Variants in CDH23 observed in about 807,000 individuals in gnomAD.
The protein encoded by CDH23 is cadherin-23.
In CDH23, 189 loss-of-function variants were observed where a neutral mutation model predicts 317.1. The observed-to-expected ratio is 0.60, with a 90% confidence interval of 0.53 to 0.67. The LOEUF (loss-of-function observed/expected upper bound fraction) is 0.67. Among genes scored for constraint, CDH23 ranks in the 30% least tolerant of loss-of-function variants. CDH23 has a pLI of 0.00. For synonymous variants in CDH23, 1,839 were observed against 1,876.8 expected (o/e 0.98, Z 0.52); for missense variants, 4,401 against 4,592.4 (o/e 0.96, Z 1.20).
At chr10:71,460,772 G>T (rs1478542269) in intron 3 of CDH23, among the ~76,000 whole-genome samples, 1 of 152,208 alleles carries the variant, frequency 6.6e-6, no homozygotes, top group Non-Finnish European at 1.5e-5. Flanking sequence ...GCCCTGTCCT[G>T]CTCCTGAATG....
chr10:71,516,162 T>C (rs889055472), intron 6 of CDH23, among the ~76,000 whole-genome samples: 1 of 152,226 alleles, frequency 6.6e-6, no homozygotes, highest in African/African-American at 2.4e-5. Flanking sequence ...AGGTCCCCAC[T>C]GTTACCTCAC....
chr10:71,401,601 G>A (rs369591418), intron 1 of CDH23, among the ~76,000 whole-genome samples: 1 of 152,140 alleles, frequency 6.6e-6, no homozygotes, highest in African/African-American at 2.4e-5. Context: ...ATCTGCTCTC[G>A]GACATTTGCA....
intron 1 of CDH23, among the ~76,000 whole-genome samples, chr10:71,419,603 A>G (rs1450045918): frequency 1.3e-5 from 2 of 152,230 alleles, no homozygotes; most frequent in Non-Finnish European, 1.5e-5. Context: ...AGACTTGTCC[A>G]GTGAACCCCT....
chr10:71,615,411 G>A, intron 9 of CDH23, 93 bp from the exon 10 acceptor site: 1 of 795,850 alleles, frequency 1.3e-6, no homozygotes, highest in South Asian at 1.4e-5. Context: ...GCCCAGAGAG[G>A]AGCCCTGGCC....
chr10:71,649,134 G>A (rs1480197081), intron 14 of CDH23, among the ~76,000 whole-genome samples: 1 of 152,088 alleles, frequency 6.6e-6, no homozygotes, highest in South Asian at 2.1e-4. Flanking sequence ...TCTCCCCAGG[G>A]TGTTTCCTGG....
chr10:71,497,335 A>G (rs534657900), intron 3 of CDH23, among the ~76,000 whole-genome samples: 2 of 152,310 alleles, frequency 1.3e-5, no homozygotes, highest in East Asian at 3.9e-4. Context: ...CCCCACTGTT[A>G]TCACTGTTAT....
At chr10:71,697,965 G>C (rs1435644413) in intron 22 of CDH23, among the ~76,000 whole-genome samples, 1 of 152,180 alleles carries the variant, frequency 6.6e-6, no homozygotes, top group Non-Finnish European at 1.5e-5. Context: ...GTGATGACCT[G>C]AAAGTTCAAA....
At chr10:71,428,334 C>A (rs1006475285) in intron 1 of CDH23, among the ~76,000 whole-genome samples, 8 of 151,644 alleles carry the variant, frequency 5.3e-5, no homozygotes, top group Non-Finnish European at 1.2e-4. Flanking sequence ...GATGGGGTTT[C>A]ACCATGTTGG....
chr10:71,561,335 C>G (rs963382308), intron 6 of CDH23, among the ~76,000 whole-genome samples: 4 of 151,764 alleles, frequency 2.6e-5, no homozygotes, highest in African/African-American at 7.3e-5. Flanking sequence ...CTTTACTGCT[C>G]TCTCTGTCTG....
chr10:71,616,197 G>C (rs370441623), intron 10 of CDH23, among the ~76,000 whole-genome samples: 16 of 152,364 alleles, frequency 1.1e-4, no homozygotes, highest in South Asian at 8.3e-4. Context: ...CCCGTTTAGG[G>C]GTATGGATCC....
chr10:71,516,584 C>T (rs1431463122), intron 6 of CDH23, among the ~76,000 whole-genome samples: 4 of 152,158 alleles, frequency 2.6e-5, no homozygotes, highest in Non-Finnish European at 4.4e-5. Flanking sequence ...AATAATAAAT[C>T]GATTGTTGTT....
chr10:71,720,073 C>T (rs1052260377), intron 28 of CDH23, among the ~76,000 whole-genome samples: 2 of 152,192 alleles, frequency 1.3e-5, no homozygotes, highest in African/African-American at 4.8e-5. Flanking sequence ...ATGGTATGGT[C>T]GGCGGCAGCC....
chr10:71,581,758 G>C (rs1295387194), intron 9 of CDH23, among the ~76,000 whole-genome samples: 1 of 152,162 alleles, frequency 6.6e-6, no homozygotes, highest in Non-Finnish European at 1.5e-5. Context: ...TCATTTTCTT[G>C]GGGGCCTGAC....
At chr10:71,451,309 GC>G (rs1850432463) in intron 3 of CDH23, among the ~76,000 whole-genome samples, 1 of 152,096 alleles carries the variant, frequency 6.6e-6, no homozygotes, top group South Asian at 2.1e-4. Flanking sequence ...GGATGGCCCT[GC>G]CCAGCCTGAG....
At chr10:71,406,429 G>A (rs1464915338) in intron 1 of CDH23, among the ~76,000 whole-genome samples, 1 of 152,174 alleles carries the variant, frequency 6.6e-6, no homozygotes, top group Non-Finnish European at 1.5e-5. Context: ...AACTTTCCAT[G>A]CTGTCTGCAC....
At chr10:71,535,430 T>A (rs553709725) in intron 6 of CDH23, among the ~76,000 whole-genome samples, 24 of 152,316 alleles carry the variant, frequency 1.6e-4, no homozygotes, top group African/African-American at 5.8e-4. Context: ...ACCTCCTGCA[T>A]GAGCCTGACT....
At chr10:71,663,140 T>C (rs1288898781) in intron 14 of CDH23, among the ~76,000 whole-genome samples, 1 of 152,248 alleles carries the variant, frequency 6.6e-6, no homozygotes, top group African/African-American at 2.4e-5. Flanking sequence ...GTCACATTTG[T>C]GGGTCCCAGA....
chr10:71,536,234 G>A (rs903725394), intron 6 of CDH23, among the ~76,000 whole-genome samples: 2 of 152,240 alleles, frequency 1.3e-5, no homozygotes, highest in South Asian at 2.1e-4. Context: ...AGGAGGGCTC[G>A]AGGCACCCTG....
intron 38 of CDH23, chr10:71,748,171 G>A (rs1343483126): frequency 4.0e-5 from 6 of 151,892 alleles, no homozygotes; most frequent in Admixed American, 2.0e-4. Flanking sequence ...GTGGTGGCAG[G>A]ACCCCTGCAG....
Sources: allele counts gnomAD v4.1 joint callset (sites outside exome capture counted in the v4.1 genomes callset), GRCh38; gene constraint gnomAD v4.1.1; transcripts MANE v1.5; gene names NCBI Gene and HGNC (gene_info 2026-07-23, HGNC 2026-07-21).